Variants in AFF3 observed in about 807,000 individuals in gnomAD.
AFF3 encodes the protein AF4/FMR2 family member 3.
A neutral mutation model predicts 129.7 loss-of-function variants in AFF3; 32 were observed. The observed-to-expected ratio is 0.25, with a 90% CI of 0.19 to 0.33. The LOEUF is 0.33. AFF3 is among the 10% of genes least tolerant of loss of function. The pLI is 1.00. For synonymous variants in AFF3, 644 were observed against 635.4 expected, an observed-to-expected ratio of 1.01 and a Z score of -0.20; for missense variants, 1,373 against 1,592.0, an observed-to-expected ratio of 0.86 and a Z score of 2.34.
Position 99,930,503 on chromosome 2 carries a change from G to A in AFF3, c.873+76129C>T, listed in dbSNP as rs552126175. 1.6e-4 allele frequency among the ~76,000 whole-genome samples: 24 copies of A among 152,258 alleles called. 1 individual carries two copies. Among genetic ancestry groups the A allele is most frequent in the African/African-American group, 4.8e-4 (20 of 41,570 alleles). Reference sequence around the variant, plus strand: ...GAAAATTCTATAGTAGGCGAGACAGGCTTCTCTCTCCTGCTCCTCCTCCCT... The same window carrying A: ...GAAAATTCTATAGTAGGCGAGACAGACTTCTCTCTCCTGCTCCTCCTCCCT... On this transcript the variant is annotated intron_variant, in intron 7 of 24. Coordinates refer to ENST00000672756, the MANE Select transcript of AFF3 (RefSeq NM_001386135.1).
At chr2:99,780,925 C>T (rs1424621462) in intron 8 of AFF3, among the ~76,000 whole-genome samples, 1 of 152,146 alleles carries the variant, frequency 6.6e-6, no homozygotes, top group Non-Finnish European at 1.5e-5. Flanking sequence ...CAAGCCTCTT[C>T]TCCCTATAGC....
At chr2:100,000,511 C>T (rs1034840146) in intron 7 of AFF3, among the ~76,000 whole-genome samples, 6 of 141,302 alleles carry the variant, frequency 4.2e-5, no homozygotes, top group East Asian at 1.9e-4. Flanking sequence ...CTAGCACGCG[C>T]GCACACACAC....
chr2:99,837,141 G>A (rs912637060), intron 8 of AFF3, among the ~76,000 whole-genome samples: 1 of 152,156 alleles, frequency 6.6e-6, no homozygotes, highest in Admixed American at 6.5e-5. Flanking sequence ...TCAAAAAAAT[G>A]TACAGACTAT....
chr2:99,807,320 A>G (rs1686430960), intron 8 of AFF3, among the ~76,000 whole-genome samples: 1 of 152,202 alleles, frequency 6.6e-6, no homozygotes, highest in South Asian at 2.1e-4. Context: ...AAGTCTAATA[A>G]GATGACAGAA....
intron 4 of AFF3, among the ~76,000 whole-genome samples, chr2:100,075,786 A>G (rs1463900704): frequency 3.3e-5 from 5 of 152,200 alleles, no homozygotes. Flanking sequence ...ACAGAATATT[A>G]TATTTCAGTT....
chr2:99,793,543 G>A (rs926161883), intron 8 of AFF3, among the ~76,000 whole-genome samples: 1 of 152,162 alleles, frequency 6.6e-6, no homozygotes, highest in Non-Finnish European at 1.5e-5. Context: ...TTTCCCCTAA[G>A]CTGTTGAATC....
chr2:99,730,565 G>A (rs2105027023), intron 10 of AFF3, among the ~76,000 whole-genome samples: 1 of 150,998 alleles, frequency 6.6e-6, no homozygotes, highest in East Asian at 1.9e-4. Context: ...GCCCAGGCTG[G>A]AGTGCAGTGG....
chr2:99,571,573 G>A (rs370201015), intron 18 of AFF3, among the ~76,000 whole-genome samples: 18 of 152,274 alleles, frequency 1.2e-4, no homozygotes, highest in African/African-American at 4.1e-4. Flanking sequence ...TTTTCTGACC[G>A]TATCAGAGCA....
chr2:99,717,102 T>G (rs1176240237), intron 11 of AFF3, among the ~76,000 whole-genome samples: 2 of 152,220 alleles, frequency 1.3e-5, no homozygotes, highest in Non-Finnish European at 2.9e-5. Context: ...AAGTATTCCA[T>G]TGTATGAATA....
At chr2:99,967,294 C>G (rs573936482) in intron 7 of AFF3, among the ~76,000 whole-genome samples, 29 of 151,892 alleles carry the variant, frequency 1.9e-4, no homozygotes, top group Admixed American at 8.5e-4. Context: ...ACCACCCCCC[C>G]GCCCCCAAGC....
At chr2:99,898,221 T>C (rs1252568021) in intron 7 of AFF3, among the ~76,000 whole-genome samples, 2 of 152,218 alleles carry the variant, frequency 1.3e-5, no homozygotes, top group Admixed American at 1.3e-4. Context: ...GAATGGACAT[T>C]TTTTCCCTAA....
At chr2:99,782,805 G>A (rs1024529086) in intron 8 of AFF3, among the ~76,000 whole-genome samples, 1 of 152,178 alleles carries the variant, frequency 6.6e-6, no homozygotes, top group Non-Finnish European at 1.5e-5. Context: ...AACACACAAA[G>A]TATTTTAAAC....
At chr2:99,620,773 G>A (rs1681921679) in intron 13 of AFF3, among the ~76,000 whole-genome samples, 1 of 152,182 alleles carries the variant, frequency 6.6e-6, no homozygotes, top group East Asian at 1.9e-4. Flanking sequence ...TGAATGGCTT[G>A]GTGCCCTCCC....
chr2:99,746,157 A>C (rs188472967), intron 9 of AFF3, among the ~76,000 whole-genome samples: 1 of 152,128 alleles, frequency 6.6e-6, no homozygotes, highest in East Asian at 1.9e-4. Flanking sequence ...GACTTACACA[A>C]GAATGCGTGA....
chr2:100,132,087 C>A (rs1692448696), intron 1 of AFF3, among the ~76,000 whole-genome samples: 1 of 152,324 alleles, frequency 6.6e-6, no homozygotes. Flanking sequence ...TCTAAACCCA[C>A]AGGTTGTACC....
At chr2:99,901,939 C>G (rs528942404) in intron 7 of AFF3, among the ~76,000 whole-genome samples, 12 of 151,542 alleles carry the variant, frequency 7.9e-5, no homozygotes, top group Admixed American at 3.9e-4. Flanking sequence ...CCTGTCACAA[C>G]TCCACGTTCC....
At chr2:99,869,721 C>G (rs932138963) in intron 7 of AFF3, among the ~76,000 whole-genome samples, 6 of 152,256 alleles carry the variant, frequency 3.9e-5, no homozygotes, top group African/African-American at 1.4e-4. Context: ...GCTAGACAGC[C>G]ACCAAAACCA....
intron 8 of AFF3, among the ~76,000 whole-genome samples, chr2:99,819,381 C>G (rs1687475499): frequency 6.6e-6 from 1 of 152,208 alleles, no homozygotes; most frequent in Non-Finnish European, 1.5e-5. Context: ...AAATATTCTA[C>G]AAATGGATTT....
intron 10 of AFF3, among the ~76,000 whole-genome samples, chr2:99,729,804 G>C (rs1679666402): frequency 7.4e-6 from 1 of 135,574 alleles, no homozygotes. Context: ...GCTGTCTCCA[G>C]GGTCCTCCTG....
Sources: gnomAD v4.1 joint callset for allele counts (sites outside exome capture counted in the v4.1 genomes callset) on GRCh38, gnomAD v4.1.1 for gene constraint, MANE v1.5 for transcripts, NCBI Gene and HGNC (gene_info 2026-07-23, HGNC 2026-07-21) for gene names.